The following LARGE1 variants were observed in gnomAD, a reference collection of about 807,000 sequenced individuals.
LARGE1 encodes xylosyl- and glucuronyltransferase LARGE1.
LARGE1 carries 43 observed loss-of-function variants against 87.6 expected under a neutral mutation model. The ratio of observed to expected loss-of-function variants is 0.49; its 90% confidence interval spans 0.38 to 0.63. The LOEUF is 0.63. Among genes scored for constraint, LARGE1 ranks in the 30% least tolerant of loss-of-function variants. The pLI is 0.00. For synonymous variants in LARGE1, 434 were observed against 394.6 expected (o/e 1.10, Z -1.18); for missense variants, 802 against 1,000.2 (o/e 0.80, Z 2.67).
At chr22:33,397,822 T>C (rs2065801548) in intron 7 of LARGE1, among the ~76,000 whole-genome samples, 1 of 152,210 alleles carries the variant, frequency 6.6e-6, no homozygotes, top group African/African-American at 2.4e-5. Flanking sequence ...ATTTTTGCAT[T>C]TTAGGCATTC....
intron 6 of LARGE1, among the ~76,000 whole-genome samples, chr22:33,499,565 G>A (rs1018005163): frequency 6.6e-6 from 1 of 152,132 alleles, no homozygotes; most frequent in Non-Finnish European, 1.5e-5. Flanking sequence ...AGAGAACCTT[G>A]GAGAAGTGAG....
chr22:33,612,157 G>A (rs1360031846), intron 4 of LARGE1, among the ~76,000 whole-genome samples: 1 of 147,610 alleles, frequency 6.8e-6, no homozygotes, highest in East Asian at 2.1e-4. Flanking sequence ...AGGCTAGAGT[G>A]CAGTGGCATG....
intron 2 of LARGE1, among the ~76,000 whole-genome samples, chr22:33,696,711 ATGGCATCTCATTG>A (rs889864836): frequency 6.6e-6 from 1 of 152,148 alleles, no homozygotes; most frequent in African/African-American, 2.4e-5. Flanking sequence ...TGGGTTTGAA[ATGGCATCTCATTG>A]TGGTCTTTCC....
At chr22:33,801,837 T>C (rs1329272211) in intron 1 of LARGE1, among the ~76,000 whole-genome samples, 2 of 152,184 alleles carry the variant, frequency 1.3e-5, no homozygotes, top group Non-Finnish European at 2.9e-5. Flanking sequence ...AGTTTCCTCA[T>C]ATGTAACACA....
At chr22:33,604,127 A>G (rs2079184674) in intron 5 of LARGE1, among the ~76,000 whole-genome samples, 2 of 152,174 alleles carry the variant, frequency 1.3e-5, no homozygotes, top group Non-Finnish European at 2.9e-5. Flanking sequence ...TTCACTGGGT[A>G]ATGGAACTCT....
intron 1 of LARGE1, among the ~76,000 whole-genome samples, chr22:33,829,754 G>T (rs144166385): frequency 6.6e-6 from 1 of 152,108 alleles, no homozygotes; most frequent in Admixed American, 6.5e-5. Context: ...GCTGTTCAAG[G>T]ACCCCTCCTG....
At chr22:33,071,264 G>A in the LARGE1 span, among the ~76,000 whole-genome samples, 19 of 152,206 alleles carry the variant, frequency 1.2e-4, no homozygotes, top group African/African-American at 4.3e-4. Flanking sequence ...GGGAAGAGGA[G>A]CCACAGGCTA....
At chr22:33,390,418 GCTT>G (rs2065476914) in intron 7 of LARGE1, among the ~76,000 whole-genome samples, 1 of 152,180 alleles carries the variant, frequency 6.6e-6, no homozygotes, top group African/African-American at 2.4e-5. Flanking sequence ...GCTGGCAACT[GCTT>G]CTTACTGCCC....
chr22:33,804,362 A>G (rs545794744), intron 1 of LARGE1, among the ~76,000 whole-genome samples: 1 of 152,328 alleles, frequency 6.6e-6, no homozygotes, highest in African/African-American at 2.4e-5. Context: ...ATAAAATAAT[A>G]AACTGCACCT....
chr22:33,631,308 T>G (rs751585650), intron 3 of LARGE1, among the ~76,000 whole-genome samples: 3 of 152,196 alleles, frequency 2.0e-5, no homozygotes, highest in Non-Finnish European at 4.4e-5. Flanking sequence ...GCTGGGACTA[T>G]AATTGCACAC....
At chr22:33,089,350 TCTTCTTCTTCTTCTTCTTCTC>T in the LARGE1 span, among the ~76,000 whole-genome samples, 3,636 of 115,978 alleles carry the variant, frequency 0.031, 80 homozygotes, top group African/African-American at 0.061. Flanking sequence ...TTCTTCTTCT[TCTTCTTCTTCTTCTTCTTCTC>T]CTTCTTCTTC....
chr22:33,129,669 A>G, the LARGE1 span, among the ~76,000 whole-genome samples: 53,613 of 151,964 alleles, frequency 0.35, 9,630 homozygotes, highest in South Asian at 0.46. Flanking sequence ...ACAGTTCTTC[A>G]TGGCTGGGAG....
downstream of LARGE1, among the ~76,000 whole-genome samples, chr22:33,268,790 A>T (rs1048062177): frequency 6.6e-6 from 1 of 152,190 alleles, no homozygotes; most frequent in Non-Finnish European, 1.5e-5. Context: ...TAATAAGGCG[A>T]CTAAGTTAGT....
intron 2 of LARGE1, among the ~76,000 whole-genome samples, chr22:33,722,901 C>T (rs746724485): frequency 4.6e-5 from 7 of 151,966 alleles, no homozygotes; most frequent in Non-Finnish European, 1.0e-4. Context: ...GAGTTGAGGT[C>T]GGAGCTTGGG....
intron 9 of LARGE1, among the ~76,000 whole-genome samples, chr22:33,376,581 C>T (rs1259518236): frequency 5.9e-5 from 9 of 152,142 alleles, no homozygotes; most frequent in Admixed American, 5.9e-4. Flanking sequence ...CAGAACAAGG[C>T]TCTATATCAT....
intron 6 of LARGE1, among the ~76,000 whole-genome samples, chr22:33,545,610 T>C (rs1369305641): frequency 4.6e-5 from 7 of 152,206 alleles, no homozygotes; most frequent in African/African-American, 1.7e-4. Flanking sequence ...CCTGGCTAAT[T>C]GTATTTTTTG....
intron 3 of LARGE1, among the ~76,000 whole-genome samples, chr22:33,649,721 C>G (rs1222987104): frequency 6.6e-6 from 1 of 152,176 alleles, no homozygotes; most frequent in Non-Finnish European, 1.5e-5. Flanking sequence ...ACCATGAGAA[C>G]TGGAAACAAT....
chr22:33,829,502 C>A (rs1432107305), intron 1 of LARGE1, among the ~76,000 whole-genome samples: 2 of 152,076 alleles, frequency 1.3e-5, no homozygotes, highest in African/African-American at 4.8e-5. Context: ...TTCCTGTATC[C>A]CCGGTGCTTA....
At chr22:33,232,103 C>T (rs1054235955) in intron 11 of LARGE1, among the ~76,000 whole-genome samples, 2 of 152,132 alleles carry the variant, frequency 1.3e-5, no homozygotes. Flanking sequence ...TTCCCAAGAC[C>T]ATGCATTTTC....
Sources: gnomAD v4.1 joint callset for allele counts (sites outside exome capture counted in the v4.1 genomes callset) on GRCh38, gnomAD v4.1.1 for gene constraint, MANE v1.5 for transcripts, NCBI Gene and HGNC (gene_info 2026-07-23, HGNC 2026-07-21) for gene names.